Variants in BRPF1 observed in about 807,000 individuals in gnomAD.
BRPF1 encodes peregrin.
BRPF1 carries 15 observed loss-of-function variants against 115.0 expected under a neutral mutation model. The ratio of observed to expected loss-of-function variants is 0.13; its 90% CI spans 0.09 to 0.20. BRPF1 has a LOEUF of 0.20. Ranked by LOEUF, BRPF1 falls within the 10% of genes least tolerant of loss-of-function variation. The pLI, the probability that BRPF1 is intolerant of heterozygous loss-of-function variation, is 1.00. For missense variants in BRPF1, 1,118 were observed against 1,638.3 expected, an observed-to-expected ratio of 0.68 and a Z score of 5.48; for synonymous variants, 647 against 619.8, an observed-to-expected ratio of 1.04 and a Z score of -0.65.
At chr3:9,744,192 A>G (rs768173625) in intron 8 of BRPF1, 32 bp from the exon 9 acceptor site, 3 of 1,512,278 alleles carry the variant, frequency 2.0e-6, no homozygotes, top group Non-Finnish European at 2.7e-6. Context: ...CAGGCCCCTC[A>G]CCAACTCTCC....
rs1559668967 is a variant in BRPF1, at chr3:9,745,921, C to T, written c.3315C>T (p.Tyr1105=). Residue 1105 remains tyrosine, a synonymous_variant, in exon 12 of 14, where the codon TAC becomes TAT. Transcript: ENST00000383829. This position sits in a 1 kb window ranked among gnomAD's most constrained non-coding sequence, Gnocchi z 5.1. The stretch of plus-strand genomic sequence containing the variant: ...CCAAATGCCGAGGCTATCCATCATA[C>T]CCAGCTCTGGTATGCTTGCTTCTGT... ...VWAKCRGYPS[Y]PALIIDPKMP... 5.0e-6 allele frequency: 8 copies of T among 1,612,498 alleles called. No individual in the cohort carries two copies. Among genetic ancestry groups the T allele is most frequent in the Non-Finnish European group, 6.8e-6 (8 of 1,179,052 alleles).
chr3:9,733,140 C>G (rs967189767), intron 1 of BRPF1: 2 of 152,240 alleles, frequency 1.3e-5, no homozygotes, highest in Non-Finnish European at 2.9e-5. Context: ...CTGTCACTGA[C>G]TAAATGACCT....
At chr3:9,741,844 C>T (rs2077037409) in intron 5 of BRPF1, among the ~76,000 whole-genome samples, 181 bp from the exon 6 acceptor site, 1 of 152,052 alleles carries the variant, frequency 6.6e-6, no homozygotes, top group South Asian at 2.1e-4. Context: ...AAGGGGGAAG[C>T]CAGAATTGTT....
Position 9,740,767 on chromosome 3 carries a change from C to G in BRPF1, c.1560-12C>G, listed in dbSNP as rs767573342. 6.8e-6 allele frequency: 11 copies of G among 1,612,400 alleles called. No homozygotes were observed. Among genetic ancestry groups the G allele is most frequent in the South Asian group, 2.2e-5 (2 of 91,060 alleles). ...GCCCAACAAGTTTTACTCTTTGTTT[C>G]CTGCCTCCCAGGCTTAGTAAAATCA... On this transcript the variant is annotated splice_polypyrimidine_tract_variant and intron_variant, in intron 3 of 13. Coordinates refer to ENST00000383829, the MANE Select transcript of BRPF1 (RefSeq NM_001003694.2).
chr3:9,735,379 C>T (rs541118943), intron 2 of BRPF1, among the ~76,000 whole-genome samples: 1 of 152,338 alleles, frequency 6.6e-6, no homozygotes, highest in East Asian at 1.9e-4. Context: ...CCCTCTGACT[C>T]CATAGCTGTA....
chr3:9,747,687 G>T lies in BRPF1; in HGVS notation c.*338G>T, dbSNP rs2077151344. 1 of 222,108 alleles carries T rather than the reference G, an allele frequency of 4.5e-6. No individual in the cohort carries two copies. Among genetic ancestry groups the T allele is most frequent in the Admixed American group, 5.0e-5 (1 of 19,980 alleles). The allele number at this position is 222,108 out of a possible 1,614,324, so 13.8% of individuals were successfully genotyped here. On this transcript the variant is annotated 3_prime_UTR_variant, in exon 14 of 14. Transcript: ENST00000383829. The surrounding 1 kb of genome is among the most constrained non-coding windows in gnomAD (Gnocchi z 5.6). ...CCACCTCTACCTGCTCATGCCAGGA[G>T]AATCCATAACTGCCTAGAGGCCTGG... is the stretch of plus-strand genomic sequence containing the variant.
chr3:9,742,122 A>G lies in BRPF1; in HGVS notation c.1952A>G (p.Asn651Ser), dbSNP rs2077041852. 4 of 1,614,208 alleles carry G rather than the reference A, an allele frequency of 2.5e-6. No homozygotes were observed. Among genetic ancestry groups the G allele is most frequent in the African/African-American group, 1.3e-5 (1 of 75,056 alleles). The change falls in exon 6 of 14, where the codon AAC (asparagine) becomes AGC (serine). Residue 651 changes from asparagine (N) to serine (S), a missense_variant. By Grantham distance (46) the Asn-to-Ser change is conservative. Coordinates refer to ENST00000383829, the MANE Select transcript of BRPF1 (RefSeq NM_001003694.2). ...LEQLQEKDTG[N>S]IFSEPVPLSE... ...CAGCTCCAAGAGAAGGACACAGGCA[A>G]CATCTTCAGCGAGCCGGTCCCTCTG...
At chr3:9,746,219 A>G in intron 12 of BRPF1, 81 bp from the exon 13 acceptor site, 1 of 1,463,954 alleles carries the variant, frequency 6.8e-7, no homozygotes, top group Non-Finnish European at 9.1e-7. Context: ...CCCACTTCAG[A>G]CATACTCTCT....
chr3:9,743,482 CA>C lies in BRPF1; in HGVS notation c.2312-95del, dbSNP rs2077066171. 5.7e-6 allele frequency: 8 copies of C among 1,406,276 alleles called. No homozygotes were observed. Among genetic ancestry groups the C allele is most frequent in the African/African-American group, 2.9e-5 (2 of 69,630 alleles). 87.1% of individuals were successfully genotyped at this position (1,406,276 alleles called of 1,614,324 possible). ...TTACAGCTGTTCCTGGTGAGAAGCC[CA>C]GGGGGGATGAGTGGGTTTCTTGCTG... On this transcript the variant is annotated intron_variant, in intron 7 of 13. Coordinates refer to ENST00000383829, the MANE Select transcript of BRPF1 (RefSeq NM_001003694.2). This position sits in a 1 kb window ranked among gnomAD's most constrained non-coding sequence, Gnocchi z 6.1.
rs759963271 is a variant in BRPF1, at chr3:9,745,051, G to C, written c.2964G>C (p.Lys988Asn). 2.5e-6 allele frequency: 4 copies of C among 1,614,132 alleles called. No homozygotes were observed. Among genetic ancestry groups the C allele is most frequent in the Admixed American group, 1.7e-5 (1 of 60,008 alleles). ...TCAGCGGTGGAAACCAACCAGTGAA[G>C]AAGAGTTTCTTGGTATACCGTAATG... Reference protein sequence around the residue: ...NGFSGGNQPVKKSFLVYRNDC... With the variant: ...NGFSGGNQPVNKSFLVYRNDC... Residue 988 changes from lysine to asparagine, a missense_variant, in exon 10 of 14, where the codon AAG becomes AAC. Physicochemically the swap from Lys to Asn is moderately conservative, Grantham distance 94. This residue lies in a region of BRPF1 where 15 missense variants were observed against 43.7 expected (regional missense o/e 0.34). Transcript: ENST00000383829. This position sits in a 1 kb window ranked among gnomAD's most constrained non-coding sequence, Gnocchi z 5.1.
chr3:9,739,494 G>A lies in BRPF1; in HGVS notation c.1095G>A (p.Thr365=), dbSNP rs1159225087. ...TCCCTGAGGTCTGCTTCGCCAACAC[G>A]GTCTTCCTAGAGCCTATTGACAGCA... is the stretch of plus-strand genomic sequence containing the variant. ...LWIPEVCFAN[T]VFLEPIDSIE... The change falls in exon 3 of 14, where the codon ACG becomes ACA. Residue 365 remains threonine, a synonymous_variant. Coordinates refer to ENST00000383829, the MANE Select transcript of BRPF1 (RefSeq NM_001003694.2). 2.5e-6 allele frequency: 4 copies of A among 1,613,588 alleles called. No homozygotes were observed. Among genetic ancestry groups the A allele is most frequent in the South Asian group, 2.2e-5 (2 of 91,080 alleles).
At chr3:9,738,918 T>G in intron 2 of BRPF1, 81 bp from the exon 3 acceptor site, 25 of 1,359,986 alleles carry the variant, frequency 1.8e-5, no homozygotes, top group Non-Finnish European at 2.5e-5. Context: ...ACAGAGTAAG[T>G]GCTCAATGGC....
Position 9,740,808 on chromosome 3 carries a change from T to C in BRPF1, c.1589T>C (p.Ile530Thr). Residue 530 changes from isoleucine (I) to threonine (T), a missense_variant, in exon 4 of 14, where the codon ATC becomes ACC. This residue lies in a region of BRPF1 where 178 missense variants were observed against 303.7 expected (regional missense o/e 0.59). Transcript: ENST00000383829. ...RLSKITNRLT[I>T]QRKSQFMQRL... ...AGTAAAATCACCAACCGCCTGACCATCCAAAGGAAGAGCCAGTTCATGCAG... is the reference window on the plus strand; with the variant it reads ...AGTAAAATCACCAACCGCCTGACCACCCAAAGGAAGAGCCAGTTCATGCAG... 4 of 1,614,124 alleles carry C rather than the reference T, an allele frequency of 2.5e-6. No homozygotes were observed. The highest frequency in any genetic ancestry group is 2.7e-5 in the African/African-American group (2 of 75,020).
chr3:9,732,848 G>C (rs190235120), intron 1 of BRPF1, among the ~76,000 whole-genome samples: 2 of 152,264 alleles, frequency 1.3e-5, no homozygotes, highest in African/African-American at 4.8e-5. Context: ...GCCCTGCCTG[G>C]CTGGGATGGT....
chr3:9,745,776 C>T lies in BRPF1; in HGVS notation c.3206-36C>T. ...TGTCAGGGTCTCGCCAGCCCCCCAG[C>T]TGCTGATCCACCCCCTCTCCCCCAT... On this transcript the variant is annotated intron_variant, in intron 11 of 13. Transcript: ENST00000383829. This position sits in a 1 kb window ranked among gnomAD's most constrained non-coding sequence, Gnocchi z 5.1. 1 of 1,610,938 alleles carries T rather than the reference C, an allele frequency of 6.2e-7. No homozygotes were observed. Among genetic ancestry groups the T allele is most frequent in the Non-Finnish European group, 8.5e-7 (1 of 1,177,422 alleles).
chr3:9,734,229 A>G lies in BRPF1; in HGVS notation c.89A>G (p.Lys30Arg). The change falls in exon 2 of 14, where the codon AAG (lysine) becomes AGG (arginine). Residue 30 changes from lysine to arginine, a missense_variant. Transcript: ENST00000383829. The surrounding 1 kb of genome is among the most constrained non-coding windows in gnomAD (Gnocchi z 5.7). ...PYECPVETCR[K>R]VYKSYSGIEY... ...GAGTGCCCGGTGGAGACCTGCCGAAAGGTCTACAAGAGTTACAGTGGTATT... is the reference window on the plus strand; with the variant it reads ...GAGTGCCCGGTGGAGACCTGCCGAAGGGTCTACAAGAGTTACAGTGGTATT... 1.4e-5 allele frequency: 23 copies of G among 1,614,142 alleles called. No homozygotes were observed. Among genetic ancestry groups the G allele is most frequent in the Non-Finnish European group, 1.8e-5 (21 of 1,180,024 alleles).
At chr3:9,736,014 T>A (rs2125494210) in intron 2 of BRPF1, among the ~76,000 whole-genome samples, 1 of 62,542 alleles carries the variant, frequency 1.6e-5, no homozygotes, top group Admixed American at 1.5e-4. Flanking sequence ...ATTTTTTTTT[T>A]TTTTTTTTTT....
chr3:9,740,988 G>C lies in BRPF1; in HGVS notation c.1722+47G>C, dbSNP rs745814695. On this transcript the variant is annotated intron_variant, in intron 4 of 13. Coordinates refer to ENST00000383829, the MANE Select transcript of BRPF1 (RefSeq NM_001003694.2). The stretch of plus-strand genomic sequence containing the variant: ...GGGCTCTGGGAACTAGCGCCAGGGG[G>C]ACGAAAACCAAAATTTGCAACTGTA... 1.9e-6 allele frequency: 3 copies of C among 1,567,224 alleles called. No individual in the cohort carries two copies. In the African/African-American group the frequency reaches 4.1e-5, roughly 21 times the overall value.
Position 9,745,308 on chromosome 3 carries a change from A to G in BRPF1, c.3068+153A>G, listed in dbSNP as rs1559667860. 6.6e-6 allele frequency among the ~76,000 whole-genome samples: 1 copy of G among 152,232 alleles called. No individual in the cohort carries two copies. The highest frequency in any genetic ancestry group is 1.5e-5 in the Non-Finnish European group (1 of 68,048). On this transcript the variant is annotated intron_variant, in intron 10 of 13. Coordinates refer to ENST00000383829, the MANE Select transcript of BRPF1 (RefSeq NM_001003694.2). The surrounding 1 kb of genome is among the most constrained non-coding windows in gnomAD (Gnocchi z 5.1). ...AGGTTCTCTGCTAAATAAATAAATCAGTGTTACCATTAATAGAACAGAGAG... is the reference window on the plus strand; with the variant it reads ...AGGTTCTCTGCTAAATAAATAAATCGGTGTTACCATTAATAGAACAGAGAG...
Sources: gnomAD v4.1 joint callset for allele counts (sites outside exome capture counted in the v4.1 genomes callset) on GRCh38, gnomAD v4.1.1 for gene constraint, gnomAD v4.1.1 regional missense constraint, Gnocchi (gnomAD v3.1) non-coding constraint, MANE v1.5 for transcripts, NCBI Gene and HGNC (gene_info 2026-07-23, HGNC 2026-07-21) for gene names.